The following XRRA1 variants were observed in gnomAD, a reference collection of about 807,000 sequenced individuals.
The protein encoded by XRRA1 is X-ray radiation resistance-associated protein 1.
Under a neutral mutation model 80.2 loss-of-function variants are expected in XRRA1, and 69 were observed. The observed-to-expected ratio is 0.86, with a 90% CI of 0.71 to 1.05. XRRA1 has a LOEUF of 1.05. Ranked by LOEUF, XRRA1 falls within the 50% of genes least tolerant of loss-of-function variation. The probability of loss-of-function intolerance (pLI) is 0.00; values close to 1 mark genes in which losing one functional copy is unlikely to be tolerated. For missense variants in XRRA1, 967 were observed against 976.4 expected (o/e 0.99, Z 0.13); for synonymous variants, 348 against 389.9 (o/e 0.89, Z 1.27).
At chr11:74,868,486 T>C (rs749867335) in intron 10 of XRRA1, among the ~76,000 whole-genome samples, 1 of 152,114 alleles carries the variant, frequency 6.6e-6, no homozygotes, top group Non-Finnish European at 1.5e-5. Context: ...TGCATAATAA[T>C]GAACAAATCC....
chr11:74,850,554 A>G (rs1407130467), intron 14 of XRRA1, among the ~76,000 whole-genome samples: 1 of 152,182 alleles, frequency 6.6e-6, no homozygotes, highest in African/African-American at 2.4e-5. Flanking sequence ...AGGAGGGAGG[A>G]GCATTTCACA....
At chr11:74,871,934 C>T (rs1206282070) in intron 10 of XRRA1, among the ~76,000 whole-genome samples, 1 of 152,198 alleles carries the variant, frequency 6.6e-6, no homozygotes, top group Non-Finnish European at 1.5e-5. Context: ...AAGCAGGCAG[C>T]TCTGCATGCA....
At chr11:74,850,892 A>AG (rs2039655986) in intron 14 of XRRA1, 196 bp downstream of exon 14, 1 of 346,974 alleles carries the variant, frequency 2.9e-6, no homozygotes, top group Middle Eastern at 8.6e-4. Flanking sequence ...GAGTTTTAGG[A>AG]GTTTAAAATA....
intron 10 of XRRA1, among the ~76,000 whole-genome samples, chr11:74,896,434 G>A (rs1399405361): frequency 6.6e-6 from 1 of 152,238 alleles, no homozygotes; most frequent in Non-Finnish European, 1.5e-5. Flanking sequence ...AGGCTCCTCT[G>A]CCTGTGGAAA....
chr11:74,886,065 AAAT>A (rs907734400), intron 10 of XRRA1, among the ~76,000 whole-genome samples: 1 of 152,240 alleles, frequency 6.6e-6, no homozygotes, highest in Non-Finnish European at 1.5e-5. Flanking sequence ...ATAAACCTTA[AAAT>A]AATAAGAGCC....
At chr11:74,883,481 T>A (rs1441234414) in intron 10 of XRRA1, among the ~76,000 whole-genome samples, 2 of 152,090 alleles carry the variant, frequency 1.3e-5, no homozygotes, top group Admixed American at 6.6e-5. Context: ...TCTGTGTCGC[T>A]CACGCTGGGA....
chr11:74,944,314 T>C (rs1591671783), intron 2 of XRRA1, among the ~76,000 whole-genome samples: 2 of 152,168 alleles, frequency 1.3e-5, no homozygotes, highest in African/African-American at 2.4e-5. Context: ...AAGGATATGA[T>C]GGCACTCCTA....
At chr11:74,935,232 C>T (rs1294863783) in intron 4 of XRRA1, among the ~76,000 whole-genome samples, 2 of 152,164 alleles carry the variant, frequency 1.3e-5, no homozygotes, top group African/African-American at 4.8e-5. Context: ...ATGTTATATT[C>T]TGTATGTGAT....
At chr11:74,929,763 T>C (rs1160387461) in intron 6 of XRRA1, among the ~76,000 whole-genome samples, 3 of 152,202 alleles carry the variant, frequency 2.0e-5, no homozygotes, top group Non-Finnish European at 2.9e-5. Flanking sequence ...CCCACGTATA[T>C]GCTTGCATAG....
At chr11:74,861,512 G>GT (rs2042297779) in intron 11 of XRRA1, among the ~76,000 whole-genome samples, 1 of 152,090 alleles carries the variant, frequency 6.6e-6, no homozygotes, top group Non-Finnish European at 1.5e-5. Flanking sequence ...CCCAAGATGG[G>GT]ACCATCTAAT....
intron 10 of XRRA1, among the ~76,000 whole-genome samples, chr11:74,890,768 T>C (rs1316414873): frequency 6.6e-6 from 1 of 152,144 alleles, no homozygotes; most frequent in Non-Finnish European, 1.5e-5. Context: ...GAGAATACTA[T>C]AAACACCTCT....
intron 10 of XRRA1, among the ~76,000 whole-genome samples, chr11:74,880,130 C>A (rs1448424410): frequency 6.6e-6 from 1 of 152,034 alleles, no homozygotes; most frequent in East Asian, 1.9e-4. Context: ...TTGATTATTG[C>A]CACAATTTCA....
chr11:74,919,133 T>C (rs1372076798), intron 8 of XRRA1: 1 of 152,396 alleles, frequency 6.6e-6, no homozygotes, highest in East Asian at 1.9e-4. Context: ...TCACTGGTGA[T>C]ATTTTAGGTG....
intron 10 of XRRA1, among the ~76,000 whole-genome samples, chr11:74,893,041 A>C (rs926600232): frequency 5.3e-5 from 8 of 152,284 alleles, no homozygotes; most frequent in African/African-American, 1.2e-4. Context: ...TTTGACCCAG[A>C]AATCCCATTA....
chr11:74,904,648 AT>A (rs1481910340), intron 10 of XRRA1, among the ~76,000 whole-genome samples: 3 of 152,128 alleles, frequency 2.0e-5, no homozygotes, highest in African/African-American at 7.2e-5. Context: ...TGTATCAATA[AT>A]CACCATGTGA....
At position 74,921,256 on chromosome 11, in the gene XRRA1, T is replaced by C. The variant is rs761382784; in HGVS notation, c.614A>G (p.Asn205Ser). ...ATTGGGCGGCAGGGAGGTAAGGCCA[T>C]TGCCTGTGAGGAGCAGGACACGGAG... ...PHLRVLLLTG[N>S]GLTSLPPNLA... Residue 205 changes from asparagine (N) to serine (S), a missense_variant, in exon 8 of 19, where the codon AAT becomes AGT. Transcript: ENST00000684022. 8 of 1,613,950 alleles carry C rather than the reference T, an allele frequency of 5.0e-6. No individual in the cohort carries two copies. The highest frequency in any genetic ancestry group is 4.5e-5 in the East Asian group (2 of 44,886).
chr11:74,851,569 AAG>A (rs1234742868), intron 13 of XRRA1, among the ~76,000 whole-genome samples: 1 of 152,188 alleles, frequency 6.6e-6, no homozygotes, highest in African/African-American at 2.4e-5. Context: ...GTGCTCTGGG[AAG>A]AGAGGCTCCT....
At chr11:74,896,296 G>C (rs2052302619) in intron 10 of XRRA1, among the ~76,000 whole-genome samples, 1 of 152,230 alleles carries the variant, frequency 6.6e-6, no homozygotes, top group Non-Finnish European at 1.5e-5. Flanking sequence ...GGAGTTCACT[G>C]CTCTGAAGGG....
In XRRA1 at chr11:74,843,371, G is replaced by C. The variant is rs769692770; in HGVS notation, c.2232C>G (p.Phe744Leu). Reference sequence around the variant, plus strand: ...TCACCAGCTGCCGGTAACGTGCCTGGAACTCCTTCAACAGCCTCTTGGCCT... The same window carrying C: ...TCACCAGCTGCCGGTAACGTGCCTGCAACTCCTTCAACAGCCTCTTGGCCT... ...YLEAKRLLKE[F>L]QARYRQLVSG... Residue 744 changes from phenylalanine to leucine, a missense_variant, in exon 19 of 19, where the codon TTC (phenylalanine) becomes TTG (leucine). Physicochemically the swap from Phe to Leu is conservative, Grantham distance 22. Coordinates refer to ENST00000684022, the MANE Select transcript of XRRA1 (RefSeq NM_001378157.1). 7.4e-6 allele frequency: 12 copies of C among 1,611,988 alleles called. No individual in the cohort carries two copies. The highest frequency in any genetic ancestry group is 9.3e-6 in the Non-Finnish European group (11 of 1,179,182).
Sources: allele counts gnomAD v4.1 joint callset (sites outside exome capture counted in the v4.1 genomes callset), GRCh38; gene constraint gnomAD v4.1.1; transcripts MANE v1.5; gene names NCBI Gene and HGNC (gene_info 2026-07-23, HGNC 2026-07-21).